Variants in RIMS1 observed in about 807,000 individuals in gnomAD.
RIMS1 encodes the protein regulating synaptic membrane exocytosis 1.
A neutral mutation model predicts 214.1 loss-of-function variants in RIMS1; 83 were observed. The observed-to-expected ratio is 0.39, with a 90% confidence interval of 0.32 to 0.47. RIMS1 has a LOEUF of 0.47. Among genes scored for constraint, RIMS1 ranks in the 20% least tolerant of loss-of-function variants. The pLI, the probability that RIMS1 is intolerant of heterozygous loss-of-function variation, is 0.99. For synonymous variants in RIMS1, 793 were observed against 786.8 expected, an observed-to-expected ratio of 1.01 and a Z score of -0.13; for missense variants, 2,050 against 2,161.8, an observed-to-expected ratio of 0.95 and a Z score of 1.03.
At chr6:72,008,064 T>A (rs1374796374) in intron 2 of RIMS1, among the ~76,000 whole-genome samples, 7 of 152,018 alleles carry the variant, frequency 4.6e-5, no homozygotes, top group East Asian at 1.9e-4. Flanking sequence ...TGTTAAGGGT[T>A]GCCAGAGAGA....
Position 71,932,519 on chromosome 6 carries a change from A to G in RIMS1, c.165-36464A>G, listed in dbSNP as rs142841522. 3.6e-3 allele frequency among the ~76,000 whole-genome samples: 547 copies of G among 152,238 alleles called. 3 individuals are homozygous for G. The highest frequency in any genetic ancestry group is 0.013 in the African/African-American group (524 of 41,566). On this transcript the variant is annotated intron_variant, in intron 1 of 33. Transcript: ENST00000521978. ...GGGAGAAGATCAGGAAAAATAACTA[A>G]TGGATGCTAGACTTAAAATCCGGGT...
intron 1 of RIMS1, among the ~76,000 whole-genome samples, chr6:71,899,559 C>T (rs1421932576): frequency 2.6e-5 from 4 of 151,958 alleles, no homozygotes; most frequent in Non-Finnish European, 4.4e-5. Context: ...TCTCACATAC[C>T]CACATCCCTG....
intron 28 of RIMS1, among the ~76,000 whole-genome samples, chr6:72,322,004 A>G (rs1242413405): frequency 6.6e-6 from 1 of 152,150 alleles, no homozygotes; most frequent in Non-Finnish European, 1.5e-5. Context: ...ACATGAAACT[A>G]GGATTTAACC....
chr6:72,058,957 A>G (rs555234565), intron 2 of RIMS1, among the ~76,000 whole-genome samples: 13 of 152,296 alleles, frequency 8.5e-5, no homozygotes, highest in Admixed American at 8.5e-4. Flanking sequence ...CAGCCTCCTG[A>G]CTGGGTGTTT....
In RIMS1 at chr6:72,307,278, C is replaced by A; in HGVS notation, c.3871C>A (p.Arg1291=). The change falls in exon 27 of 34, where the codon CGA becomes AGA. Residue 1291 remains arginine, a synonymous_variant. Coordinates refer to ENST00000521978, the MANE Select transcript of RIMS1 (RefSeq NM_014989.7). ...IEQASLVVEE[R]TRQMKMKVHR... ...TGCAGCAAGCTTAGTAGTGGAGGAG[C>A]GAACAAGACAGATGAAAATGAAAGT... The A allele has an allele frequency of 6.2e-7, 1 of 1,600,346 alleles. No individual in the cohort carries two copies. Among genetic ancestry groups the A allele is most frequent in the Non-Finnish European group, 8.5e-7 (1 of 1,173,174 alleles).
At chr6:72,326,432 A>G (rs1320608590) in intron 28 of RIMS1, among the ~76,000 whole-genome samples, 2 of 151,864 alleles carry the variant, frequency 1.3e-5, no homozygotes, top group Non-Finnish European at 2.9e-5. Context: ...TTCTGTATCT[A>G]TAAGTAACAG....
intron 4 of RIMS1, among the ~76,000 whole-genome samples, chr6:72,159,844 T>G (rs922985933): frequency 1.4e-5 from 2 of 140,150 alleles, no homozygotes; most frequent in African/African-American, 4.9e-5. Context: ...GCTTTGTTCT[T>G]TTGGCTAAGG....
chr6:72,152,077 C>A (rs933820227), intron 4 of RIMS1, among the ~76,000 whole-genome samples: 1 of 152,156 alleles, frequency 6.6e-6, no homozygotes, highest in Non-Finnish European at 1.5e-5. Context: ...GATTCTCCCC[C>A]ACGATCCAAA....
At chr6:72,267,730 G>A (rs2081264285) in intron 22 of RIMS1, among the ~76,000 whole-genome samples, 1 of 152,042 alleles carries the variant, frequency 6.6e-6, no homozygotes, top group Non-Finnish European at 1.5e-5. Context: ...GTTCCCTTGT[G>A]ACACTGAAGC....
At chr6:72,387,866 C>A (rs1415156220) in intron 29 of RIMS1, among the ~76,000 whole-genome samples, 3 of 152,132 alleles carry the variant, frequency 2.0e-5, no homozygotes, top group Non-Finnish European at 2.9e-5. Context: ...CTGGAAATAT[C>A]CAATAGCCCA....
chr6:72,398,026 C>T (rs2098799594), intron 31 of RIMS1, among the ~76,000 whole-genome samples: 1 of 151,936 alleles, frequency 6.6e-6, no homozygotes, highest in Admixed American at 6.6e-5. Context: ...ATTTGCAAAT[C>T]TCATAAGAGG....
At chr6:72,048,921 G>T (rs1431471851) in intron 2 of RIMS1, among the ~76,000 whole-genome samples, 3 of 152,198 alleles carry the variant, frequency 2.0e-5, no homozygotes, top group Non-Finnish European at 4.4e-5. Flanking sequence ...ATGATCCAGG[G>T]CTTTGGCAGG....
chr6:72,169,029 AT>A (rs1304948986), intron 4 of RIMS1, among the ~76,000 whole-genome samples: 6 of 152,180 alleles, frequency 3.9e-5, no homozygotes, highest in African/African-American at 1.4e-4. Context: ...TGTTTTGTAT[AT>A]TTTAAGTTTG....
chr6:72,098,769 A>G (rs944989187), intron 3 of RIMS1, among the ~76,000 whole-genome samples: 2 of 152,172 alleles, frequency 1.3e-5, no homozygotes, highest in Non-Finnish European at 2.9e-5. Context: ...TGATATGTAT[A>G]TTTAATCTTT....
chr6:72,221,855 T>C (rs556173456), intron 6 of RIMS1, among the ~76,000 whole-genome samples: 2 of 152,128 alleles, frequency 1.3e-5, no homozygotes, highest in Non-Finnish European at 2.9e-5. Context: ...CCTGCTGTGA[T>C]CAATAAGATA....
intron 6 of RIMS1, chr6:72,217,030 T>C (rs2056398150): frequency 7.0e-7 from 1 of 1,436,110 alleles, no homozygotes; most frequent in African/African-American, 1.4e-5. Context: ...GCAGGCTTTT[T>C]TGGCTTTGAT....
At chr6:72,174,676 G>A (rs189386061) in intron 4 of RIMS1, among the ~76,000 whole-genome samples, 91 of 152,142 alleles carry the variant, frequency 6.0e-4, no homozygotes, top group Middle Eastern at 3.4e-3. Flanking sequence ...CTTTAGAAAC[G>A]TTTAGAATCA....
chr6:72,197,984 A>G (rs1243118835), intron 6 of RIMS1, among the ~76,000 whole-genome samples: 1 of 152,146 alleles, frequency 6.6e-6, no homozygotes, highest in Non-Finnish European at 1.5e-5. Context: ...TATAGTTCTC[A>G]TCAGCAATGA....
intron 10 of RIMS1, among the ~76,000 whole-genome samples, chr6:72,243,602 T>C (rs2067984966): frequency 1.3e-5 from 2 of 151,756 alleles, no homozygotes; most frequent in South Asian, 4.1e-4. Flanking sequence ...AAAGCTAAAG[T>C]TTAGAATCAA....
Sources: allele counts gnomAD v4.1 joint callset (sites outside exome capture counted in the v4.1 genomes callset), GRCh38; gene constraint gnomAD v4.1.1; transcripts MANE v1.5; gene names NCBI Gene and HGNC (gene_info 2026-07-23, HGNC 2026-07-21).